The following SLC11A2 variants were observed in gnomAD, a reference collection of about 807,000 sequenced individuals.
SLC11A2 encodes the protein natural resistance-associated macrophage protein 2.
A neutral mutation model predicts 68.0 loss-of-function variants in SLC11A2; 38 were observed. The ratio of observed to expected loss-of-function variants is 0.56; its 90% CI spans 0.43 to 0.73. The LOEUF (loss-of-function observed/expected upper bound fraction) is 0.73. SLC11A2 is among the 30% of genes least tolerant of loss of function. The pLI is 0.00. For missense variants in SLC11A2, 517 were observed against 690.5 expected, an observed-to-expected ratio of 0.75 and a Z score of 2.82; for synonymous variants, 242 against 250.6, an observed-to-expected ratio of 0.97 and a Z score of 0.32.
At chr12:50,963,728 T>C in the SLC11A2 span, among the ~76,000 whole-genome samples, 1 of 152,214 alleles carries the variant, frequency 6.6e-6, no homozygotes, top group Admixed American at 6.5e-5. Flanking sequence ...AGAATTCGAC[T>C]GCTGCATCAT....
chr12:51,026,324 A>C lies in SLC11A2; in HGVS notation c.-53T>G, dbSNP rs981554025. 2 of 1,273,564 alleles carry C rather than the reference A, an allele frequency of 1.6e-6. No individual in the cohort carries two copies. Among genetic ancestry groups the C allele is most frequent in the Admixed American group, 2.3e-5 (1 of 43,252 alleles). The allele number at this position is 1,273,564 out of a possible 1,614,324, so 78.9% of individuals were successfully genotyped here. A position where few individuals can be genotyped will look rare whatever the true frequency, so the allele number is the denominator to read the frequency against. On this transcript the variant is annotated 5_prime_UTR_variant, in exon 1 of 16. Transcript: ENST00000262052. ...CTTCCCCTCACCTTACCAGCTCCGCAACCACCTGACACGCCGCCCCCGCGC... is the reference window on the plus strand; with the variant it reads ...CTTCCCCTCACCTTACCAGCTCCGCCACCACCTGACACGCCGCCCCCGCGC...
At chr12:51,015,860 G>A (rs1426845272) in intron 1 of SLC11A2, among the ~76,000 whole-genome samples, 1 of 152,154 alleles carries the variant, frequency 6.6e-6, no homozygotes, top group Non-Finnish European at 1.5e-5. Flanking sequence ...TGGCACTCAT[G>A]GTTAAATGTA....
At chr12:50,993,107 C>T in intron 11 of SLC11A2, 178 bp from the exon 12 acceptor site, 1 of 676,286 alleles carries the variant, frequency 1.5e-6, no homozygotes, top group Non-Finnish European at 2.6e-6. Context: ...CAGAAGCTTT[C>T]AGTCTAAACT....
At chr12:51,009,309 G>A in intron 2 of SLC11A2, 1 of 1,276,278 alleles carries the variant, frequency 7.8e-7, no homozygotes, top group Non-Finnish European at 9.9e-7. Flanking sequence ...CGTGATGGCA[G>A]GGCTCATCTC....
At chr12:50,992,137 G>A in intron 13 of SLC11A2, 53 bp downstream of exon 13, 1 of 1,589,270 alleles carries the variant, frequency 6.3e-7, no homozygotes. Flanking sequence ...CCCAAGGGCA[G>A]TACATAATGC....
downstream of SLC11A2, among the ~76,000 whole-genome samples, chr12:50,976,752 C>T (rs142167487): frequency 1.8e-4 from 27 of 152,258 alleles, no homozygotes; most frequent in South Asian, 8.3e-4. Flanking sequence ...AAAACCCCAT[C>T]GTCTCAGCCC....
At chr12:51,015,632 T>TA (rs1943588329) in intron 1 of SLC11A2, among the ~76,000 whole-genome samples, 1 of 152,196 alleles carries the variant, frequency 6.6e-6, no homozygotes, top group African/African-American at 2.4e-5. Flanking sequence ...TCCAGGGCTG[T>TA]AGCACCAGGT....
chr12:50,962,592 G>A, the SLC11A2 span, among the ~76,000 whole-genome samples: 2 of 152,086 alleles, frequency 1.3e-5, no homozygotes, highest in African/African-American at 2.4e-5. Flanking sequence ...AGCTACTTGG[G>A]AGGCTGAGGC....
At chr12:51,019,922 G>C (rs185789166) in intron 1 of SLC11A2, among the ~76,000 whole-genome samples, 250 of 152,132 alleles carry the variant, frequency 1.6e-3, no homozygotes, top group Middle Eastern at 0.014. Context: ...TGGGATTACA[G>C]GTATGAGCTA....
intron 1 of SLC11A2, among the ~76,000 whole-genome samples, chr12:51,019,875 G>A (rs1943920473): frequency 6.6e-6 from 1 of 151,774 alleles, no homozygotes; most frequent in African/African-American, 2.4e-5. Flanking sequence ...GAACTCCTGG[G>A]GTCAAAGGAT....
rs954282535 is a variant in SLC11A2, at chr12:50,988,320, C to T, written c.*5G>A. On this transcript the variant is annotated 3_prime_UTR_variant, in exon 16 of 16. Transcript: ENST00000262052. The stretch of plus-strand genomic sequence containing the variant: ...GCTACCTGCAGAAGACAGACTAATC[C>T]AGTGTTATTTAACGTAGCCACGGGT... The T allele has an allele frequency of 1.1e-5, 17 of 1,613,796 alleles. No homozygotes were observed. The highest frequency in any genetic ancestry group is 5.0e-5 in the Admixed American group (3 of 59,982).
intron 8 of SLC11A2, among the ~76,000 whole-genome samples, 186 bp downstream of exon 8, chr12:50,998,988 G>T (rs907732163): frequency 1.3e-5 from 2 of 152,060 alleles, no homozygotes. Flanking sequence ...AGGCCTTTCT[G>T]CATGCTAATC....
At chr12:51,012,710 C>T (rs1199864746) in intron 1 of SLC11A2, among the ~76,000 whole-genome samples, 1 of 152,178 alleles carries the variant, frequency 6.6e-6, no homozygotes, top group East Asian at 1.9e-4. Flanking sequence ...TATACCACCA[C>T]CTGCTAATTT....
chr12:50,967,471 C>G, the SLC11A2 span, among the ~76,000 whole-genome samples: 1 of 152,010 alleles, frequency 6.6e-6, no homozygotes, highest in Admixed American at 6.6e-5. Flanking sequence ...AAATGAGGGT[C>G]TCACTTCATT....
chr12:50,993,041 C>T (rs2136196203), intron 11 of SLC11A2, 112 bp from the exon 12 acceptor site: 1 of 1,292,096 alleles, frequency 7.7e-7, no homozygotes, highest in Non-Finnish European at 1.1e-6. Flanking sequence ...ACCACCAACA[C>T]CAAGTGCTGT....
the SLC11A2 span, among the ~76,000 whole-genome samples, chr12:50,952,779 T>C: frequency 6.6e-6 from 1 of 152,216 alleles, no homozygotes; most frequent in Non-Finnish European, 1.5e-5. Flanking sequence ...GCACCTCCTC[T>C]GGCTAGGGCG....
intron 1 of SLC11A2, chr12:51,025,888 C>G: frequency 1.0e-6 from 1 of 989,142 alleles, no homozygotes; most frequent in Non-Finnish European, 1.2e-6. Context: ...GAGAGCAGCC[C>G]GGCCCCCTGC....
At chr12:51,018,470 T>G (rs1338170719) in intron 1 of SLC11A2, among the ~76,000 whole-genome samples, 1 of 150,802 alleles carries the variant, frequency 6.6e-6, no homozygotes, top group Non-Finnish European at 1.5e-5. Context: ...TATATACAAC[T>G]TCAACTTTTT....
the SLC11A2 span, among the ~76,000 whole-genome samples, chr12:50,971,337 C>T: frequency 6.6e-6 from 1 of 152,138 alleles, no homozygotes. Context: ...GTTGGTTCAC[C>T]ACTTTATATC....
Sources: gnomAD v4.1 joint callset for allele counts (sites outside exome capture counted in the v4.1 genomes callset) on GRCh38, gnomAD v4.1.1 for gene constraint, MANE v1.5 for transcripts, NCBI Gene and HGNC (gene_info 2026-07-23, HGNC 2026-07-21) for gene names.